Variants in SPNS3 observed in about 807,000 individuals in gnomAD.
SPNS3 encodes the protein SPNS lysolipid transporter 3, sphingosine-1-phosphate (putative).
Under a neutral mutation model 54.4 loss-of-function variants are expected in SPNS3, and 51 were observed. The ratio of observed to expected loss-of-function variants is 0.94; its 90% CI spans 0.75 to 1.18. The LOEUF (loss-of-function observed/expected upper bound fraction) is 1.18, where lower values mean the gene tolerates loss of function less well. Ranked by LOEUF, SPNS3 falls within the 50% of genes most tolerant of loss-of-function variation. SPNS3 has a pLI of 0.00. For missense variants in SPNS3, 669 were observed against 677.4 expected, an observed-to-expected ratio of 0.99 and a Z score of 0.14; for synonymous variants, 309 against 294.7, an observed-to-expected ratio of 1.05 and a Z score of -0.50.
intron 6 of SPNS3, among the ~76,000 whole-genome samples, chr17:4,448,950 A>G (rs571473262): frequency 6.6e-6 from 1 of 151,986 alleles, no homozygotes; most frequent in South Asian, 2.1e-4. Flanking sequence ...GGAGGAGGCA[A>G]GGTGTGTGAG....
intron 2 of SPNS3, among the ~76,000 whole-genome samples, chr17:4,442,160 T>C (rs546665416): frequency 1.3e-5 from 2 of 152,232 alleles, no homozygotes; most frequent in Admixed American, 1.3e-4. Flanking sequence ...GTTACCGTGC[T>C]ATGGCCCTAG....
chr17:4,446,090 G>A lies in SPNS3; in HGVS notation c.445G>A (p.Gly149Ser), dbSNP rs779897175. Reference sequence around the variant, plus strand: ...CCTGTCCCGGGGCATCGTGGGCACTGGCTCGGCCAGCTACTCCACCATCGC... The same window carrying A: ...CCTGTCCCGGGGCATCGTGGGCACTAGCTCGGCCAGCTACTCCACCATCGC... The part of the protein sequence containing the change: ...FFLSRGIVGT[G>S]SASYSTIAPT... Residue 149 changes from glycine to serine, a missense_variant, in exon 4 of 12, where the codon GGC becomes AGC. Physicochemically the swap from Gly to Ser is moderately conservative, Grantham distance 56 (BLOSUM62 0). Coordinates refer to ENST00000355530, the MANE Select transcript of SPNS3 (RefSeq NM_182538.5). 1 of 1,613,138 alleles carries A rather than the reference G, an allele frequency of 6.2e-7. No homozygotes were observed. The highest frequency in any genetic ancestry group is 1.1e-5 in the South Asian group (1 of 91,002).
At position 4,486,648 on chromosome 17, in the gene SPNS3, A is replaced by G; in HGVS notation, c.1450+65A>G. 6.7e-7 allele frequency: 1 copy of G among 1,497,064 alleles called. No individual in the cohort carries two copies. Among genetic ancestry groups the G allele is most frequent in the Non-Finnish European group, 9.0e-7 (1 of 1,107,438 alleles). 92.7% of individuals were successfully genotyped at this position (1,497,064 alleles called of 1,614,324 possible). ...ACCCTAGGGACAGACAGCACTGGCC[A>G]CCCCCTGAATCCCTGGCCAGTTTGT... On this transcript the variant is annotated intron_variant, in intron 11 of 11. Coordinates refer to ENST00000355530, the MANE Select transcript of SPNS3 (RefSeq NM_182538.5). The surrounding 1 kb of genome is among the most constrained non-coding windows in gnomAD (Gnocchi z 5.5).
At chr17:4,464,843 C>A (rs1440034681) in intron 8 of SPNS3, among the ~76,000 whole-genome samples, 1 of 152,076 alleles carries the variant, frequency 6.6e-6, no homozygotes, top group African/African-American at 2.4e-5. Context: ...CTATGCCCGG[C>A]TGACTTTTGG....
At position 4,453,159 on chromosome 17, in the gene SPNS3, T is replaced by C. The variant is rs760695700; in HGVS notation, c.1067T>C (p.Leu356Pro). The C allele has an allele frequency of 1.2e-6, 2 of 1,613,948 alleles. No individual in the cohort carries two copies. Among genetic ancestry groups the C allele is most frequent in the Non-Finnish European group, 8.5e-7 (1 of 1,179,956 alleles). Residue 356 changes from leucine (L) to proline (P), a missense_variant, in exon 8 of 12, where the codon CTC (leucine) becomes CCC (proline). Leu to Pro is a moderately conservative substitution (Grantham distance 98). Coordinates refer to ENST00000355530, the MANE Select transcript of SPNS3 (RefSeq NM_182538.5). ...AGCCTGCTTGCCACAGCCCCCTGCCTCTACCTGGCTCTCGTCCTGGCCCCG... is the reference window on the plus strand; with the variant it reads ...AGCCTGCTTGCCACAGCCCCCTGCCCCTACCTGGCTCTCGTCCTGGCCCCG... ...ASSLLATAPC[L>P]YLALVLAPTT...
intron 9 of SPNS3, among the ~76,000 whole-genome samples, chr17:4,480,047 C>T (rs1003485497): frequency 1.3e-5 from 2 of 152,240 alleles, no homozygotes; most frequent in Non-Finnish European, 2.9e-5. Flanking sequence ...GTCAACAAAC[C>T]CTGCTTGAAT....
chr17:4,454,736 T>C (rs891924019), intron 8 of SPNS3, among the ~76,000 whole-genome samples: 1 of 147,188 alleles, frequency 6.8e-6, no homozygotes. Flanking sequence ...TTCTCCTGAC[T>C]CAGTCTCCCA....
intron 8 of SPNS3, among the ~76,000 whole-genome samples, chr17:4,476,482 G>A (rs1445342468): frequency 6.6e-6 from 1 of 152,196 alleles, no homozygotes; most frequent in Non-Finnish European, 1.5e-5. Context: ...GCTGCACAGA[G>A]GTCACAGAGG....
intron 8 of SPNS3, 106 bp from the exon 9 acceptor site, chr17:4,478,466 C>A: frequency 9.9e-7 from 1 of 1,009,954 alleles, no homozygotes; most frequent in Non-Finnish European, 1.5e-6. Context: ...TCAATAATGC[C>A]TTTCTCTGTA....
Position 4,434,055 on chromosome 17 carries a change from C to T in SPNS3, c.88C>T (p.Pro30Ser), listed in dbSNP as rs1350843696. The change falls in exon 1 of 12, where the codon CCT (proline) becomes TCT (serine). Residue 30 changes from proline (P) to serine (S), a missense_variant. Physicochemically the swap from Pro to Ser is moderately conservative, Grantham distance 74 (BLOSUM62 -1). Coordinates refer to ENST00000355530, the MANE Select transcript of SPNS3 (RefSeq NM_182538.5). ...QSPGPGRQCP[P>S]PITPTSWSLP... is the part of the protein sequence containing the mutation. ...CCCAGGGCCAGGCAGGCAGTGTCCC[C>T]CTCCCATCACGCCCACCTCCTGGAG... 6.2e-7 allele frequency: 1 copy of T among 1,610,164 alleles called. No homozygotes were observed. The highest frequency in any genetic ancestry group is 8.5e-7 in the Non-Finnish European group (1 of 1,178,376).
In SPNS3 at chr17:4,486,402, T is replaced by C; in HGVS notation, c.1279-10T>C. On this transcript the variant is annotated splice_polypyrimidine_tract_variant and intron_variant, in intron 10 of 11. Transcript: ENST00000355530. This position sits in a 1 kb window ranked among gnomAD's most constrained non-coding sequence, Gnocchi z 5.5. ...GTGGGCCTGGCAGACTCATCCCTTC[T>C]CCTCCGCAGATCTCTAGTGTCCTGC... The C allele has an allele frequency of 1.9e-6, 3 of 1,600,540 alleles. No homozygotes were observed. Among genetic ancestry groups the C allele is most frequent in the Non-Finnish European group, 2.6e-6 (3 of 1,172,076 alleles).
At chr17:4,452,583 G>A (rs1427484304) in intron 7 of SPNS3, among the ~76,000 whole-genome samples, 1 of 152,078 alleles carries the variant, frequency 6.6e-6, no homozygotes, top group African/African-American at 2.4e-5. Context: ...GTAAATACAT[G>A]TTTGCTTCCC....
intron 4 of SPNS3, 65 bp downstream of exon 4, chr17:4,446,264 G>T: frequency 6.5e-7 from 1 of 1,538,758 alleles, no homozygotes; most frequent in Non-Finnish European, 8.8e-7. Flanking sequence ...GTCAGAACAG[G>T]GGCTGGACCT....
Position 4,486,718 on chromosome 17 carries a change from C to A in SPNS3, c.1450+135C>A. The stretch of plus-strand genomic sequence containing the variant: ...TGCTTAGTACACCCCTGCTATGTAC[C>A]AGGGAAGGTTGCAGATGCTGGGGAG... On this transcript the variant is annotated intron_variant, in intron 11 of 11. Transcript: ENST00000355530. The surrounding 1 kb of genome is among the most constrained non-coding windows in gnomAD (Gnocchi z 5.5). 2 of 956,922 alleles carry A rather than the reference C, an allele frequency of 2.1e-6. No homozygotes were observed. The highest frequency in any genetic ancestry group is 3.0e-6 in the Non-Finnish European group (2 of 666,982). 59.3% of individuals were successfully genotyped at this position (956,922 alleles called of 1,614,324 possible). A position where few individuals can be genotyped will look rare whatever the true frequency, so the allele number is the denominator to read the frequency against.
At chr17:4,471,827 G>T (rs1971861397) in intron 8 of SPNS3, among the ~76,000 whole-genome samples, 1 of 151,444 alleles carries the variant, frequency 6.6e-6, no homozygotes. Flanking sequence ...ATTTCCTTCT[G>T]CTCCTTCTCT....
At chr17:4,471,740 A>T (rs1166143464) in intron 8 of SPNS3, among the ~76,000 whole-genome samples, 2 of 152,116 alleles carry the variant, frequency 1.3e-5, no homozygotes, top group African/African-American at 4.8e-5. Flanking sequence ...TGCTGGGATT[A>T]CAGGCATGTA....
chr17:4,458,586 C>CTCCTTCCTTCCTTCCT (rs749391286), intron 8 of SPNS3, among the ~76,000 whole-genome samples: 49 of 66,786 alleles, frequency 7.3e-4, no homozygotes, highest in African/African-American at 2.5e-3. Flanking sequence ...TCTTCCTTCC[C>CTCCTTCCTTCCTTCCT]TCCTTTCTTT....
At chr17:4,485,286 G>A (rs565820812) in intron 9 of SPNS3, 1 of 152,350 alleles carries the variant, frequency 6.6e-6, no homozygotes, top group South Asian at 2.1e-4. Context: ...CCCACTTGGG[G>A]ATGGAGAGAC....
Position 4,447,405 on chromosome 17 carries a change from G to A in SPNS3, c.621+443G>A, listed in dbSNP as rs1204026760. 2.0e-5 allele frequency among the ~76,000 whole-genome samples: 3 copies of A among 152,206 alleles called. No individual in the cohort carries two copies. In the East Asian group the frequency reaches 5.8e-4, roughly 29 times the overall value. The stretch of plus-strand genomic sequence containing the variant: ...CTCAAGAAGATGCCGGGCAGGCCCC[G>A]CTGGGGCTCCAGCCCTTGTGTTTCC... On this transcript the variant is annotated intron_variant, in intron 5 of 11. Transcript: ENST00000355530.
Sources: allele counts gnomAD v4.1 joint callset (sites outside exome capture counted in the v4.1 genomes callset), GRCh38; gene constraint gnomAD v4.1.1; non-coding constraint Gnocchi (gnomAD v3.1); transcripts MANE v1.5; gene names NCBI Gene and HGNC (gene_info 2026-07-23, HGNC 2026-07-21).